The following ADGRE1 variants were observed in gnomAD, a reference collection of about 807,000 sequenced individuals.
ADGRE1 encodes the protein adhesion G protein-coupled receptor E1, also known as EGF-like module receptor 1.
ADGRE1 carries 82 observed loss-of-function variants against 102.7 expected under a neutral mutation model. The observed-to-expected ratio is 0.80, with a 90% confidence interval of 0.67 to 0.96. ADGRE1 has a LOEUF of 0.96. ADGRE1 is among the 40% of genes least tolerant of loss of function. The pLI, the probability that ADGRE1 is intolerant of heterozygous loss-of-function variation, is 0.00. For synonymous variants in ADGRE1, 398 were observed against 399.6 expected (o/e 1.00, Z 0.05); for missense variants, 1,032 against 1,085.3 (o/e 0.95, Z 0.69).
intron 9 of ADGRE1, among the ~76,000 whole-genome samples, chr19:6,907,708 A>C (rs374997706): frequency 7.2e-5 from 11 of 151,978 alleles, no homozygotes; most frequent in African/African-American, 2.7e-4. Context: ...CATGGCAAAC[A>C]CTAATCAGCT....
chr19:6,927,235 C>CTCCT (rs1201744465), intron 16 of ADGRE1, among the ~76,000 whole-genome samples: 1 of 140,836 alleles, frequency 7.1e-6, no homozygotes, highest in Non-Finnish European at 1.6e-5. Flanking sequence ...TCTTCCCTCC[C>CTCCT]TCCTTCCTTC....
chr19:6,913,565 C>G, intron 10 of ADGRE1, 88 bp from the exon 11 acceptor site: 1 of 1,305,766 alleles, frequency 7.7e-7, no homozygotes, highest in Non-Finnish European at 1.0e-6. Context: ...GGATGGACTC[C>G]CAGCCTATTC....
intron 2 of ADGRE1, among the ~76,000 whole-genome samples, chr19:6,893,048 G>A (rs138677048): frequency 6.6e-6 from 1 of 152,098 alleles, no homozygotes; most frequent in Non-Finnish European, 1.5e-5. Context: ...AGATAATGAT[G>A]ATGATGATTT....
At chr19:6,924,953 T>C in intron 15 of ADGRE1, 81 bp downstream of exon 15, 1 of 1,463,518 alleles carries the variant, frequency 6.8e-7, no homozygotes, top group Middle Eastern at 1.8e-4. Context: ...CAACTCCCTC[T>C]ATCCCTGTTC....
intron 20 of ADGRE1, 53 bp from the exon 21 acceptor site, chr19:6,939,971 C>T (rs527400088): frequency 4.3e-5 from 69 of 1,602,268 alleles, no homozygotes; most frequent in South Asian, 2.9e-4. Flanking sequence ...CTTGGAATCA[C>T]GTTTGTATTA....
At chr19:6,920,041 C>G (rs570276532) in intron 13 of ADGRE1, among the ~76,000 whole-genome samples, 16 of 152,272 alleles carry the variant, frequency 1.1e-4, no homozygotes, top group Admixed American at 6.5e-4. Context: ...AGACAAGAGT[C>G]TGGCTCAAAT....
chr19:6,935,981 T>C (rs1156482993), intron 18 of ADGRE1, among the ~76,000 whole-genome samples: 1 of 152,242 alleles, frequency 6.6e-6, no homozygotes, highest in African/African-American at 2.4e-5. Context: ...ACAGGTCAAT[T>C]GTGTTTCCTA....
At chr19:6,898,391 G>A in intron 5 of ADGRE1, 1 of 1,601,792 alleles carries the variant, frequency 6.2e-7, no homozygotes, top group East Asian at 2.2e-5. Context: ...AAGTGCAGCT[G>A]TTTAGATGGT....
At chr19:6,932,223 C>G (rs1975185152) in intron 17 of ADGRE1, among the ~76,000 whole-genome samples, 1 of 152,048 alleles carries the variant, frequency 6.6e-6, no homozygotes, top group Non-Finnish European at 1.5e-5. Flanking sequence ...AATCCCAGCA[C>G]TTTGGGAGGC....
chr19:6,928,259 G>T, intron 17 of ADGRE1, 48 bp downstream of exon 17: 1 of 1,613,908 alleles, frequency 6.2e-7, no homozygotes, highest in East Asian at 2.2e-5. Context: ...TGAAGGAGGA[G>T]CAAGGAGACC....
chr19:6,896,168 C>CAATT, intron 2 of ADGRE1: 2 of 463,682 alleles, frequency 4.3e-6, no homozygotes, highest in Non-Finnish European at 7.8e-6. Context: ...TGTGGCCCAC[C>CAATT]CTACTCCAGC....
Position 6,940,109 on chromosome 19 carries a change from C to T in ADGRE1, c.*80C>T. The T allele has an allele frequency of 6.7e-7, 1 of 1,497,826 alleles. No individual in the cohort carries two copies. Among genetic ancestry groups the T allele is most frequent in the Non-Finnish European group, 9.2e-7 (1 of 1,082,956 alleles). 92.8% of individuals were successfully genotyped at this position (1,497,826 alleles called of 1,614,324 possible). A position where few individuals can be genotyped will look rare whatever the true frequency, so the allele number is the denominator to read the frequency against. Reference sequence around the variant, plus strand: ...CCTGCAGGAGCCTACCCTGAAATCTCTTCTCAGCTTAACATGGAAATGAGG... The same window carrying T: ...CCTGCAGGAGCCTACCCTGAAATCTTTTCTCAGCTTAACATGGAAATGAGG... On this transcript the variant is annotated 3_prime_UTR_variant, in exon 21 of 21. Transcript: ENST00000312053.
At position 6,916,250 on chromosome 19, in the gene ADGRE1, C is replaced by T. The variant is rs1416409995; in HGVS notation, c.1302C>T (p.Asp434=). The change falls in exon 12 of 21, where the codon GAC becomes GAT. Residue 434 remains aspartate, a splice_region_variant and synonymous_variant. Transcript: ENST00000312053. Reference sequence around the variant, plus strand: ...CGAACTCTCCCTTTCTCTTTTTAGACATTGAGAGCAAAGTTATCAACAAAG... The same window carrying T: ...CGAACTCTCCCTTTCTCTTTTTAGATATTGAGAGCAAAGTTATCAACAAAG... ...ITPAVRTEYL[D]IESKVINKEC... The T allele has an allele frequency of 6.2e-7, 1 of 1,609,918 alleles. No homozygotes were observed. The highest frequency in any genetic ancestry group is 1.1e-5 in the South Asian group (1 of 90,456).
At chr19:6,931,309 T>TG (rs1027691726) in intron 17 of ADGRE1, among the ~76,000 whole-genome samples, 2 of 152,142 alleles carry the variant, frequency 1.3e-5, no homozygotes, top group African/African-American at 4.8e-5. Context: ...TTTTTTTTAA[T>TG]GGGGGGCATG....
chr19:6,907,703 C>A lies in ADGRE1; in HGVS notation c.1039-986C>A, dbSNP rs75083897. On this transcript the variant is annotated intron_variant, in intron 9 of 20. Transcript: ENST00000312053. ...ATTCTCCCCTCCCACTAGCCCATGGCAAACACTAATCAGCTTTCTGTCTCT... is the reference window on the plus strand; with the variant it reads ...ATTCTCCCCTCCCACTAGCCCATGGAAAACACTAATCAGCTTTCTGTCTCT... Among the ~76,000 whole-genome samples the A allele has an allele frequency of 4.2e-4, 64 of 152,250 alleles. No homozygotes were observed. In the East Asian group the frequency reaches 0.01, roughly 25 times the overall value.
chr19:6,915,687 C>T (rs556016644), intron 11 of ADGRE1, among the ~76,000 whole-genome samples: 9 of 151,822 alleles, frequency 5.9e-5, no homozygotes, highest in Non-Finnish European at 1.2e-4. Flanking sequence ...TTTGGGAGGC[C>T]GAGGCAGGTG....
intron 15 of ADGRE1, among the ~76,000 whole-genome samples, chr19:6,925,936 G>C (rs111560960): frequency 0.057 from 8,699 of 152,014 alleles, 428 homozygotes; most frequent in African/African-American, 0.13. Context: ...GGGCTTGAGC[G>C]ATCTGCCTGC....
intron 15 of ADGRE1, among the ~76,000 whole-genome samples, chr19:6,925,357 A>G (rs1238610737): frequency 6.6e-6 from 1 of 152,174 alleles, no homozygotes; most frequent in Non-Finnish European, 1.5e-5. Context: ...TCCTGACCTC[A>G]GGTGATCCAC....
At chr19:6,904,729 A>T (rs1307868595) in intron 8 of ADGRE1, among the ~76,000 whole-genome samples, 2 of 152,040 alleles carry the variant, frequency 1.3e-5, no homozygotes, top group African/African-American at 4.8e-5. Flanking sequence ...GATGGTCTCG[A>T]TCTACTGACC....
Sources: gnomAD v4.1 joint callset for allele counts (sites outside exome capture counted in the v4.1 genomes callset) on GRCh38, gnomAD v4.1.1 for gene constraint, MANE v1.5 for transcripts, NCBI Gene and HGNC (gene_info 2026-07-23, HGNC 2026-07-21) for gene names.